The following PTPRM variants were observed in gnomAD, a reference collection of about 807,000 sequenced individuals.
The protein encoded by PTPRM is receptor-type tyrosine-protein phosphatase mu.
A neutral mutation model predicts 186.7 loss-of-function variants in PTPRM; 47 were observed. The ratio of observed to expected loss-of-function variants is 0.25; its 90% CI spans 0.20 to 0.32. PTPRM has a LOEUF of 0.32. Among genes scored for constraint, PTPRM ranks in the 10% least tolerant of loss-of-function variants. The pLI, the probability that PTPRM is intolerant of heterozygous loss-of-function variation, is 1.00. For synonymous variants in PTPRM, 668 were observed against 674.9 expected (o/e 0.99, Z 0.16); for missense variants, 1,494 against 1,865.0 (o/e 0.80, Z 3.66).
At chr18:8,286,243 C>G (rs79630772) in intron 19 of PTPRM, among the ~76,000 whole-genome samples, 4,242 of 152,282 alleles carry the variant, frequency 0.028, 76 homozygotes, top group Middle Eastern at 0.051. Context: ...AATTTCAAAT[C>G]ACATTAGTGA....
chr18:8,312,661 T>C (rs2095278239), intron 20 of PTPRM, among the ~76,000 whole-genome samples: 1 of 152,184 alleles, frequency 6.6e-6, no homozygotes, highest in Non-Finnish European at 1.5e-5. Flanking sequence ...AAAGATTAAG[T>C]AACTGGCCCA....
chr18:7,820,209 T>G (rs1019235764), intron 2 of PTPRM, among the ~76,000 whole-genome samples: 6 of 152,116 alleles, frequency 3.9e-5, no homozygotes, highest in Non-Finnish European at 7.3e-5. Flanking sequence ...GTGGGAAGCT[T>G]TGTCCTTGGA....
chr18:7,629,877 G>T (rs1567993143), intron 1 of PTPRM, among the ~76,000 whole-genome samples: 1 of 152,092 alleles, frequency 6.6e-6, no homozygotes, highest in Non-Finnish European at 1.5e-5. Flanking sequence ...AGGTAGAGTG[G>T]GTGGCAGTGG....
intron 7 of PTPRM, among the ~76,000 whole-genome samples, chr18:8,000,842 A>G (rs1275153793): frequency 1.3e-5 from 2 of 152,220 alleles, no homozygotes; most frequent in Admixed American, 1.3e-4. Context: ...ACAATTGCCA[A>G]CGTTTATGTG....
chr18:7,706,702 G>T (rs1017522783), intron 1 of PTPRM, among the ~76,000 whole-genome samples: 2 of 151,492 alleles, frequency 1.3e-5, no homozygotes, highest in Admixed American at 6.6e-5. Flanking sequence ...GGTATGGAGG[G>T]ATGGACTATC....
intron 3 of PTPRM, among the ~76,000 whole-genome samples, chr18:7,892,630 G>T (rs548873952): frequency 2.0e-5 from 3 of 152,236 alleles, no homozygotes; most frequent in African/African-American, 7.2e-5. Flanking sequence ...GTTCATTTTT[G>T]AATGTATTGC....
intron 2 of PTPRM, among the ~76,000 whole-genome samples, chr18:7,778,924 A>G (rs1158933392): frequency 5.9e-5 from 9 of 152,220 alleles, no homozygotes; most frequent in Non-Finnish European, 1.3e-4. Flanking sequence ...TATCACATAG[A>G]TTAAGAAGCA....
At position 8,223,649 on chromosome 18, in the gene PTPRM, T is replaced by C. The variant is rs560472849; in HGVS notation, c.2301-20409T>C. Among the ~76,000 whole-genome samples the C allele has an allele frequency of 2.0e-5, 3 of 152,300 alleles. No homozygotes were observed. In the East Asian group the frequency reaches 5.8e-4, roughly 29 times the overall value. ...GATTGAAAAAGAAATTTGCACCTGA[T>C]TGAAGATGCTTTGGGCTCAGTTTTG... On this transcript the variant is annotated intron_variant, in intron 14 of 32. Transcript: ENST00000580170.
chr18:7,748,937 A>G (rs780117225), intron 1 of PTPRM: 1 of 152,208 alleles, frequency 6.6e-6, no homozygotes, highest in Non-Finnish European at 1.5e-5. Flanking sequence ...AGTTTAGACC[A>G]ATTTGTCCAT....
intron 4 of PTPRM, among the ~76,000 whole-genome samples, chr18:7,911,609 T>G (rs945662650): frequency 6.6e-6 from 1 of 152,190 alleles, no homozygotes; most frequent in Non-Finnish European, 1.5e-5. Flanking sequence ...GTTTTATATA[T>G]CTACATACAA....
chr18:8,314,311 T>C (rs572601152), intron 20 of PTPRM, among the ~76,000 whole-genome samples: 3 of 152,212 alleles, frequency 2.0e-5, no homozygotes, highest in East Asian at 1.9e-4. Context: ...CAGATACAGA[T>C]AGGACTTAGG....
At chr18:8,211,700 G>GCCAGGTCT (rs1215352298) in intron 14 of PTPRM, among the ~76,000 whole-genome samples, 1 of 152,142 alleles carries the variant, frequency 6.6e-6, no homozygotes, top group East Asian at 1.9e-4. Context: ...ACCGTGCCCA[G>GCCAGGTCT]CCAGGTCTCT....
chr18:8,285,314 G>A lies in PTPRM; in HGVS notation c.2755-11054G>A, dbSNP rs1284622975. 5.3e-5 allele frequency among the ~76,000 whole-genome samples: 8 copies of A among 152,234 alleles called. No homozygotes were observed. The East Asian group carries it at 1.5e-3, about 29-fold the overall frequency. On this transcript the variant is annotated intron_variant, in intron 19 of 32. Transcript: ENST00000580170. The stretch of plus-strand genomic sequence containing the variant: ...CACAGTTAGGAATCAGTCAGAGCTG[G>A]GATTTAAGCCCAAATCTTCTGGTCC...
intron 1 of PTPRM, among the ~76,000 whole-genome samples, chr18:7,676,041 A>G (rs1270111208): frequency 2.6e-5 from 4 of 152,060 alleles, no homozygotes; most frequent in Non-Finnish European, 4.4e-5. Context: ...CCGGCCTTTC[A>G]GCATTTTTTT....
chr18:7,897,656 A>G (rs2049436226), intron 3 of PTPRM, among the ~76,000 whole-genome samples: 1 of 152,178 alleles, frequency 6.6e-6, no homozygotes, highest in Admixed American at 6.5e-5. Context: ...CCACATCTCT[A>G]AATTTCATTC....
chr18:8,090,208 C>A (rs531476175), intron 11 of PTPRM, among the ~76,000 whole-genome samples: 1 of 152,228 alleles, frequency 6.6e-6, no homozygotes, highest in East Asian at 1.9e-4. Flanking sequence ...GTACCCATGA[C>A]CATGGCTCAG....
At chr18:8,237,431 A>AT (rs59073560) in intron 14 of PTPRM, among the ~76,000 whole-genome samples, 6,104 of 71,584 alleles carry the variant, frequency 0.085, 1,036 homozygotes, top group Non-Finnish European at 0.11. Context: ...GATTCCCTCA[A>AT]TTTTTTTTTT....
intron 14 of PTPRM, among the ~76,000 whole-genome samples, chr18:8,210,892 G>A (rs928331756): frequency 2.0e-5 from 3 of 152,170 alleles, no homozygotes; most frequent in Non-Finnish European, 2.9e-5. Context: ...AGTAAATAAA[G>A]TGTTCTAAGG....
intron 13 of PTPRM, among the ~76,000 whole-genome samples, chr18:8,122,765 A>G (rs1409106244): frequency 1.3e-5 from 2 of 152,152 alleles, no homozygotes; most frequent in African/African-American, 4.8e-5. Flanking sequence ...GCTATACACA[A>G]TCTTGGCTGC....
Sources: gnomAD v4.1 joint callset for allele counts (sites outside exome capture counted in the v4.1 genomes callset) on GRCh38, gnomAD v4.1.1 for gene constraint, MANE v1.5 for transcripts, NCBI Gene and HGNC (gene_info 2026-07-23, HGNC 2026-07-21) for gene names.